The following XYLT1 variants were observed in gnomAD, a reference collection of about 807,000 sequenced individuals.
The protein encoded by XYLT1 is xylosyltransferase 1, also known as beta-D-xylosyltransferase 1.
Under a neutral mutation model 91.3 loss-of-function variants are expected in XYLT1, and 36 were observed. That is an observed-to-expected ratio of 0.39 (90% CI 0.30 to 0.52). The LOEUF is 0.52. Ranked by LOEUF, XYLT1 falls within the 20% of genes least tolerant of loss-of-function variation. The pLI, the probability that XYLT1 is intolerant of heterozygous loss-of-function variation, is 0.68. For synonymous variants in XYLT1, 588 were observed against 532.0 expected (o/e 1.11, Z -1.45); for missense variants, 1,242 against 1,284.5 (o/e 0.97, Z 0.51).
At chr16:17,338,710 A>G (rs2141845077) in intron 2 of XYLT1, among the ~76,000 whole-genome samples, 1 of 152,166 alleles carries the variant, frequency 6.6e-6, no homozygotes, top group Non-Finnish European at 1.5e-5. Flanking sequence ...TCAGCTTCCA[A>G]AGTAGCTGGG....
chr16:17,238,610 T>G (rs1345592640), intron 3 of XYLT1, among the ~76,000 whole-genome samples: 1 of 152,254 alleles, frequency 6.6e-6, no homozygotes, highest in African/African-American at 2.4e-5. Flanking sequence ...GGGAAAACTC[T>G]AAATTCCCTT....
chr16:17,113,295 C>T lies in XYLT1; in HGVS notation c.2558-4278G>A, dbSNP rs1473021568. Reference sequence around the variant, plus strand: ...TAGCTGGGATTTCAGGCACCCGTCACCATGCCTGGCTAATTTTTTGTACTT... The same window carrying T: ...TAGCTGGGATTTCAGGCACCCGTCATCATGCCTGGCTAATTTTTTGTACTT... On this transcript the variant is annotated intron_variant, in intron 11 of 11. Coordinates refer to ENST00000261381, the MANE Select transcript of XYLT1 (RefSeq NM_022166.4). 3.3e-5 allele frequency among the ~76,000 whole-genome samples: 5 copies of T among 152,122 alleles called. No homozygotes were observed. The East Asian group carries it at 5.8e-4, about 18-fold the overall frequency.
intron 6 of XYLT1, among the ~76,000 whole-genome samples, chr16:17,151,267 A>G (rs1183290858): frequency 2.0e-5 from 3 of 152,186 alleles, no homozygotes; most frequent in Non-Finnish European, 4.4e-5. Flanking sequence ...CTCTACTGAA[A>G]CTACAAAAAT....
At chr16:17,290,101 ACT>A (rs560174728) in intron 2 of XYLT1, among the ~76,000 whole-genome samples, 3 of 152,208 alleles carry the variant, frequency 2.0e-5, no homozygotes, top group Non-Finnish European at 4.4e-5. Context: ...ATCAAAGTAG[ACT>A]CTGAACTTGG....
intron 5 of XYLT1, chr16:17,197,957 T>C: frequency 3.6e-6 from 2 of 549,410 alleles, no homozygotes; most frequent in Non-Finnish European, 6.5e-6. Context: ...TCCACGCGGG[T>C]TGGAGTTTCC....
At chr16:17,344,857 C>T (rs760749792) in intron 2 of XYLT1, among the ~76,000 whole-genome samples, 21 of 152,080 alleles carry the variant, frequency 1.4e-4, no homozygotes, top group Non-Finnish European at 2.1e-4. Flanking sequence ...TGCGCCACCA[C>T]GCTTGGCTAA....
intron 2 of XYLT1, among the ~76,000 whole-genome samples, chr16:17,285,954 AAGAG>A (rs1460453575): frequency 2.4e-5 from 3 of 123,860 alleles, no homozygotes; most frequent in African/African-American, 8.4e-5. Flanking sequence ...GAGAGAGAGA[AAGAG>A]AGAGAGACAG....
chr16:17,181,149 G>A (rs2032057904), intron 5 of XYLT1, among the ~76,000 whole-genome samples: 1 of 152,178 alleles, frequency 6.6e-6, no homozygotes, highest in Non-Finnish European at 1.5e-5. Context: ...TCACCTCATT[G>A]GGGTAGAGAA....
chr16:17,182,787 C>G (rs902034561), intron 5 of XYLT1, among the ~76,000 whole-genome samples: 2 of 152,066 alleles, frequency 1.3e-5, no homozygotes, highest in Non-Finnish European at 2.9e-5. Flanking sequence ...TGGGCACCAC[C>G]AGATAGCCAG....
intron 1 of XYLT1, among the ~76,000 whole-genome samples, chr16:17,429,351 G>A (rs544032856): frequency 3.3e-5 from 5 of 152,316 alleles, no homozygotes; most frequent in Admixed American, 6.5e-5. Context: ...TGAGAAATGC[G>A]ACAGCAATAA....
chr16:17,246,655 C>T (rs79597274), intron 3 of XYLT1, among the ~76,000 whole-genome samples: 15,600 of 152,128 alleles, frequency 0.1, 1,004 homozygotes, highest in Admixed American at 0.15. Context: ...GTGCAGGAGT[C>T]GCGATGAGAT....
At chr16:17,186,575 G>A (rs900268040) in intron 5 of XYLT1, among the ~76,000 whole-genome samples, 1 of 151,574 alleles carries the variant, frequency 6.6e-6, no homozygotes, top group African/African-American at 2.4e-5. Flanking sequence ...AAAGTGCTGG[G>A]ATAGGCATGA....
chr16:17,149,633 C>A (rs1235366703), intron 6 of XYLT1, among the ~76,000 whole-genome samples: 1 of 152,202 alleles, frequency 6.6e-6, no homozygotes. Context: ...TCTTCCTAGG[C>A]TCTCAGGAAA....
chr16:17,313,038 A>G (rs2034573990), intron 2 of XYLT1, among the ~76,000 whole-genome samples: 1 of 152,218 alleles, frequency 6.6e-6, no homozygotes, highest in South Asian at 2.1e-4. Flanking sequence ...GGCCATGGCC[A>G]CAGATCCCCA....
intron 3 of XYLT1, among the ~76,000 whole-genome samples, chr16:17,247,841 A>G (rs1365802906): frequency 2.1e-5 from 3 of 139,726 alleles, no homozygotes; most frequent in Non-Finnish European, 5.0e-5. Context: ...TAAGAGGAGG[A>G]AAGACCTCCC....
At chr16:17,121,834 G>A (rs528527998) in intron 10 of XYLT1, among the ~76,000 whole-genome samples, 2 of 152,208 alleles carry the variant, frequency 1.3e-5, no homozygotes, top group Admixed American at 1.3e-4. Context: ...TCTTATGAGT[G>A]AGAACATACA....
intron 2 of XYLT1, among the ~76,000 whole-genome samples, chr16:17,272,153 GTTTTTTTTT>G (rs35561235): frequency 1.2e-5 from 1 of 80,310 alleles, no homozygotes; most frequent in South Asian, 5.2e-4. Flanking sequence ...TTTGTTGTTG[GTTTTTTTTT>G]TTTTTTTTTT....
rs71373106 is a variant in XYLT1 at position 17,337,775 on chromosome 16, C to CTTTTT, written c.402+20232_402+20236dup. On this transcript the variant is annotated intron_variant, in intron 2 of 11. Transcript: ENST00000261381. ...CTACTTTGTCTGTTCCACATTTTTT[C>CTTTTT]TTTTTCTTTTTTTTTTTTTTTGTGA... 5.5e-3 allele frequency among the ~76,000 whole-genome samples: 628 copies of CTTTTT among 114,128 alleles called. 41 individuals are homozygous for CTTTTT. Among genetic ancestry groups the CTTTTT allele is most frequent in the Admixed American group, 5.9e-3 (59 of 9,958 alleles). 74.9% of individuals were successfully genotyped at this position (114,128 alleles called of 152,430 possible). A position where few individuals can be genotyped will look rare whatever the true frequency, so the allele number is the denominator to read the frequency against.
intron 1 of XYLT1, among the ~76,000 whole-genome samples, chr16:17,415,653 T>G (rs181832486): frequency 1.3e-5 from 2 of 151,782 alleles, no homozygotes; most frequent in Non-Finnish European, 2.9e-5. Flanking sequence ...GATAGCACCA[T>G]TGCACTCCAG....
Sources: allele counts gnomAD v4.1 joint callset (sites outside exome capture counted in the v4.1 genomes callset), GRCh38; gene constraint gnomAD v4.1.1; transcripts MANE v1.5; gene names NCBI Gene and HGNC (gene_info 2026-07-23, HGNC 2026-07-21).